The following TMEM131L variants were observed in gnomAD, a reference collection of about 807,000 sequenced individuals.
TMEM131L encodes transmembrane protein 131-like.
Under a neutral mutation model 192.2 loss-of-function variants are expected in TMEM131L, and 54 were observed. That is an observed-to-expected ratio of 0.28 (90% CI 0.23 to 0.35). The LOEUF (loss-of-function observed/expected upper bound fraction) is 0.35. TMEM131L is among the 10% of genes least tolerant of loss of function. The pLI, the probability that TMEM131L is intolerant of heterozygous loss-of-function variation, is 1.00. For synonymous variants in TMEM131L, 701 were observed against 704.9 expected (o/e 0.99, Z 0.09); for missense variants, 1,888 against 1,972.9 (o/e 0.96, Z 0.82).
At chr4:153,636,242 C>T (rs1208182848) in intron 34 of TMEM131L, 59 bp from the exon 35 acceptor site, 1 of 1,469,472 alleles carries the variant, frequency 6.8e-7, no homozygotes, top group Non-Finnish European at 9.1e-7. Flanking sequence ...TGTGTATTCA[C>T]CTTTCTAAGG....
intron 22 of TMEM131L, 35 bp from the exon 23 acceptor site, chr4:153,602,506 AT>A: frequency 6.2e-7 from 1 of 1,606,540 alleles, no homozygotes; most frequent in Non-Finnish European, 8.5e-7. Flanking sequence ...AATCAAAACA[AT>A]TAAAAGTTCA....
rs532361497 is a variant in TMEM131L at position 153,523,074 on chromosome 4, C to T, written c.240-26999C>T. Among the ~76,000 whole-genome samples the T allele has an allele frequency of 6.6e-5, 10 of 152,196 alleles. 1 individual carries two copies. The South Asian group carries it at 1.2e-3, about 19-fold the overall frequency. ...CTTGGTTTGCTCACCTAATCATCAA[C>T]GTACTGTGTTTCTTAGTTCTTAAAA... is the stretch of plus-strand genomic sequence containing the variant. On this transcript the variant is annotated intron_variant, in intron 3 of 34. Coordinates refer to ENST00000409959, the MANE Select transcript of TMEM131L (RefSeq NM_001131007.2).
intron 5 of TMEM131L, 129 bp downstream of exon 5, chr4:153,556,039 C>T (rs778403493): frequency 1.5e-4 from 95 of 625,358 alleles, no homozygotes; most frequent in Middle Eastern, 1.3e-3. Context: ...CCTTTTCCTT[C>T]TGTGTGTTTA....
At chr4:153,578,891 C>T (rs1435784420) in intron 7 of TMEM131L, among the ~76,000 whole-genome samples, 2 of 151,976 alleles carry the variant, frequency 1.3e-5, no homozygotes, top group Admixed American at 6.6e-5. Flanking sequence ...CTGCTGACCT[C>T]AGATGATCCA....
intron 3 of TMEM131L, among the ~76,000 whole-genome samples, chr4:153,476,245 C>T (rs1400470865): frequency 6.6e-6 from 1 of 152,138 alleles, no homozygotes; most frequent in Non-Finnish European, 1.5e-5. Context: ...AGGCATGAGC[C>T]ACCACGCCTG....
chr4:153,543,546 G>A (rs545487143), intron 3 of TMEM131L, among the ~76,000 whole-genome samples: 32 of 152,284 alleles, frequency 2.1e-4, no homozygotes, highest in African/African-American at 6.5e-4. Flanking sequence ...GAAGGCCGCC[G>A]CCTGGAGTAA....
chr4:153,575,343 C>T (rs868662914), intron 7 of TMEM131L, among the ~76,000 whole-genome samples: 2 of 152,182 alleles, frequency 1.3e-5, no homozygotes, highest in African/African-American at 2.4e-5. Context: ...AAATACATGA[C>T]ATACAAAAGG....
chr4:153,556,992 C>T lies in TMEM131L; in HGVS notation c.459C>T (p.Ser153=), dbSNP rs374157466. ...CRVIPAMGKT[S]FRIIFLPTEE... ...TAATTCCAGCAATGGGGAAAACTTC[C>T]TTCAGAATTATTTTCTTACCTACTG... The change falls in exon 6 of 35, where the codon TCC becomes TCT. Residue 153 remains serine, a synonymous_variant. Transcript: ENST00000409959. The T allele has an allele frequency of 1.9e-6, 3 of 1,599,760 alleles. No homozygotes were observed. The Admixed American group carries it at 5.1e-5, about 27-fold the overall frequency.
intron 3 of TMEM131L, among the ~76,000 whole-genome samples, chr4:153,479,493 A>G (rs1365239466): frequency 1.3e-5 from 2 of 152,210 alleles, no homozygotes; most frequent in African/African-American, 4.8e-5. Context: ...GGCTCTCTGT[A>G]TATATCTCTC....
At chr4:153,623,317 C>T (rs1391558544) in intron 29 of TMEM131L, among the ~76,000 whole-genome samples, 1 of 152,144 alleles carries the variant, frequency 6.6e-6, no homozygotes, top group Non-Finnish European at 1.5e-5. Flanking sequence ...GGAAATAGTT[C>T]AGAGAGCTTC....
Position 153,634,298 on chromosome 4 carries a change from A to G in TMEM131L, c.4417+18A>G, listed in dbSNP as rs1734423412. The G allele has an allele frequency of 1.9e-6, 3 of 1,561,210 alleles. No individual in the cohort carries two copies. Among genetic ancestry groups the G allele is most frequent in the Non-Finnish European group, 2.7e-6 (3 of 1,131,776 alleles). The stretch of plus-strand genomic sequence containing the variant: ...TCCAGAAGGTAAGGGCTCTTCAGAC[A>G]ATCCCAACGCCATTATTTTATTCTT... On this transcript the variant is annotated intron_variant, in intron 33 of 34. Coordinates refer to ENST00000409959, the MANE Select transcript of TMEM131L (RefSeq NM_001131007.2).
At chr4:153,499,128 C>G (rs1326019561) in intron 3 of TMEM131L, among the ~76,000 whole-genome samples, 2 of 152,252 alleles carry the variant, frequency 1.3e-5, no homozygotes, top group East Asian at 3.8e-4. Flanking sequence ...CTCCTTTCTT[C>G]TGTTAGTGTT....
chr4:153,472,137 A>G (rs2149726294), intron 2 of TMEM131L, among the ~76,000 whole-genome samples: 1 of 152,334 alleles, frequency 6.6e-6, no homozygotes, highest in Admixed American at 6.5e-5. Flanking sequence ...CTTTATGAGT[A>G]TTAACTCATT....
chr4:153,524,802 C>T (rs535641517), intron 3 of TMEM131L, among the ~76,000 whole-genome samples: 15 of 152,292 alleles, frequency 9.8e-5, no homozygotes, highest in Admixed American at 3.3e-4. Flanking sequence ...GATTTTATCA[C>T]TTTATGTTAT....
intron 3 of TMEM131L, among the ~76,000 whole-genome samples, chr4:153,548,958 A>C (rs1737399820): frequency 6.6e-6 from 1 of 152,052 alleles, no homozygotes; most frequent in Non-Finnish European, 1.5e-5. Context: ...GATTCTATTT[A>C]CTTATTTATT....
chr4:153,596,672 ACACT>A (rs1299663100), intron 20 of TMEM131L, among the ~76,000 whole-genome samples: 1 of 152,178 alleles, frequency 6.6e-6, no homozygotes, highest in Non-Finnish European at 1.5e-5. Flanking sequence ...AAGGCAGAAC[ACACT>A]CATGCAGATC....
At chr4:153,623,123 T>G in intron 29 of TMEM131L, 40 bp downstream of exon 29, 1 of 1,511,900 alleles carries the variant, frequency 6.6e-7, no homozygotes, top group East Asian at 2.3e-5. Context: ...TCGGTGGCCC[T>G]TCCCTCTGCC....
intron 25 of TMEM131L, among the ~76,000 whole-genome samples, chr4:153,607,728 C>A (rs1331602427): frequency 6.6e-6 from 1 of 152,230 alleles, no homozygotes; most frequent in Non-Finnish European, 1.5e-5. Context: ...CTTCCCCCCA[C>A]CCCCGGGTGT....
intron 21 of TMEM131L, among the ~76,000 whole-genome samples, chr4:153,599,098 T>C (rs1190581897): frequency 6.6e-6 from 1 of 152,194 alleles, no homozygotes; most frequent in East Asian, 1.9e-4. Flanking sequence ...GTAGGAAGCA[T>C]GATGCTGGCA....
Sources: gnomAD v4.1 joint callset for allele counts (sites outside exome capture counted in the v4.1 genomes callset) on GRCh38, gnomAD v4.1.1 for gene constraint, MANE v1.5 for transcripts, NCBI Gene and HGNC (gene_info 2026-07-23, HGNC 2026-07-21) for gene names.